Variants in PRKD1 observed in about 807,000 individuals in gnomAD.
PRKD1 encodes the protein protein kinase D1.
Under a neutral mutation model 95.9 loss-of-function variants are expected in PRKD1, and 63 were observed. The observed-to-expected ratio is 0.66, with a 90% CI of 0.54 to 0.81. The LOEUF (loss-of-function observed/expected upper bound fraction) is 0.81. Among genes scored for constraint, PRKD1 ranks in the 30% least tolerant of loss-of-function variants. The pLI is 0.00. For synonymous variants in PRKD1, 425 were observed against 423.1 expected, an observed-to-expected ratio of 1.00 and a Z score of -0.05; for missense variants, 1,048 against 1,165.3, an observed-to-expected ratio of 0.90 and a Z score of 1.47.
intron 1 of PRKD1, among the ~76,000 whole-genome samples, chr14:29,908,589 T>C (rs1312351520): frequency 2.0e-5 from 3 of 152,206 alleles, no homozygotes; most frequent in Non-Finnish European, 2.9e-5. Flanking sequence ...CCAGCCTACA[T>C]TGGTCAATTT....
chr14:29,598,888 T>C, intron 15 of PRKD1, 139 bp downstream of exon 15: 1 of 764,498 alleles, frequency 1.3e-6, no homozygotes, highest in Non-Finnish European at 2.1e-6. Flanking sequence ...AGTCCCAAAG[T>C]AACAAATGAA....
At chr14:29,635,345 T>G (rs1199348255) in intron 7 of PRKD1, among the ~76,000 whole-genome samples, 1 of 152,076 alleles carries the variant, frequency 6.6e-6, no homozygotes, top group African/African-American at 2.4e-5. Context: ...TCCCACAACA[T>G]GAATATATAT....
At chr14:29,614,414 A>C (rs546508536) in intron 13 of PRKD1, among the ~76,000 whole-genome samples, 4 of 152,280 alleles carry the variant, frequency 2.6e-5, no homozygotes, top group Non-Finnish European at 5.9e-5. Context: ...CTACATTTTA[A>C]AAAAAGGAAT....
intron 1 of PRKD1, among the ~76,000 whole-genome samples, chr14:29,895,512 C>G (rs996767179): frequency 2.0e-5 from 3 of 152,112 alleles, no homozygotes; most frequent in Non-Finnish European, 2.9e-5. Context: ...TGATCCTTTA[C>G]AAACCTGAAT....
chr14:29,720,792 T>TAA (rs1409355666), intron 2 of PRKD1, among the ~76,000 whole-genome samples: 6 of 147,914 alleles, frequency 4.1e-5, no homozygotes, highest in African/African-American at 1.0e-4. Context: ...AAAAAATAAA[T>TAA]AAATAAATAA....
At chr14:29,599,634 C>T (rs1294764913) in intron 14 of PRKD1, 22 bp downstream of exon 14, 2 of 1,588,004 alleles carry the variant, frequency 1.3e-6, no homozygotes, top group Admixed American at 1.8e-5. Context: ...TGTATTTTTT[C>T]CGTCTCTAAT....
At chr14:29,866,307 G>T (rs1051203549) in intron 1 of PRKD1, among the ~76,000 whole-genome samples, 1 of 152,086 alleles carries the variant, frequency 6.6e-6, no homozygotes, top group African/African-American at 2.4e-5. Flanking sequence ...ATACAAAGCA[G>T]TCAAATGGTT....
At chr14:29,661,056 T>A (rs960191433) in intron 4 of PRKD1, among the ~76,000 whole-genome samples, 5 of 152,232 alleles carry the variant, frequency 3.3e-5, no homozygotes, top group Admixed American at 6.5e-5. Flanking sequence ...TGTCATGTGA[T>A]CTATGCTATT....
intron 1 of PRKD1, among the ~76,000 whole-genome samples, chr14:29,920,002 TAGGAAGGAAGGAGGGA>T (rs1895034182): frequency 2.2e-5 from 2 of 92,116 alleles, no homozygotes; most frequent in African/African-American, 9.5e-5. Context: ...GGAAGGAAGG[TAGGAAGGAAGGAGGGA>T]AGGAAGGAAG....
At chr14:29,681,101 T>C (rs1883516492) in intron 2 of PRKD1, among the ~76,000 whole-genome samples, 1 of 152,234 alleles carries the variant, frequency 6.6e-6, no homozygotes, top group African/African-American at 2.4e-5. Context: ...AGAAATGGTC[T>C]AGGAACTTCT....
At chr14:29,786,166 C>T (rs896365403) in intron 1 of PRKD1, among the ~76,000 whole-genome samples, 1 of 152,126 alleles carries the variant, frequency 6.6e-6, no homozygotes, top group Admixed American at 6.5e-5. Flanking sequence ...GTATGTTGAA[C>T]CATCCTGGCA....
At chr14:29,779,640 A>T (rs1365987870) in intron 1 of PRKD1, among the ~76,000 whole-genome samples, 1 of 152,196 alleles carries the variant, frequency 6.6e-6, no homozygotes, top group East Asian at 1.9e-4. Context: ...ATAAAAGAGG[A>T]CACAAACAAA....
At chr14:29,637,817 T>C (rs1437411538) in intron 6 of PRKD1, among the ~76,000 whole-genome samples, 2 of 152,230 alleles carry the variant, frequency 1.3e-5, no homozygotes, top group Admixed American at 6.5e-5. Context: ...AAAGTATCTG[T>C]GATCTTTTAC....
intron 11 of PRKD1, among the ~76,000 whole-genome samples, chr14:29,628,826 A>G (rs962786000): frequency 2.0e-5 from 3 of 152,280 alleles, no homozygotes; most frequent in Admixed American, 2.0e-4. Context: ...GCTGAGAAAA[A>G]CAGATATTTG....
intron 16 of PRKD1, among the ~76,000 whole-genome samples, chr14:29,591,827 T>G (rs183707231): frequency 6.6e-6 from 1 of 152,128 alleles, no homozygotes; most frequent in Non-Finnish European, 1.5e-5. Flanking sequence ...TTTAGCACTG[T>G]CTGGGATTCA....
At chr14:29,635,675 G>C (rs553291867) in intron 7 of PRKD1, among the ~76,000 whole-genome samples, 20 of 152,268 alleles carry the variant, frequency 1.3e-4, no homozygotes, top group African/African-American at 4.8e-4. Context: ...TACCAATATA[G>C]TGCAAAAGCA....
chr14:29,847,445 C>T (rs1242787309), intron 1 of PRKD1, among the ~76,000 whole-genome samples: 1 of 152,140 alleles, frequency 6.6e-6, no homozygotes, highest in Non-Finnish European at 1.5e-5. Flanking sequence ...TCTAAATTTA[C>T]TTCCCTGGAC....
chr14:29,583,252 T>G (rs1021892903), intron 16 of PRKD1, among the ~76,000 whole-genome samples: 1 of 152,124 alleles, frequency 6.6e-6, no homozygotes, highest in Non-Finnish European at 1.5e-5. Flanking sequence ...CATAGTGCGG[T>G]CTTTCAGTGG....
chr14:29,584,114 G>A (rs563770415), intron 16 of PRKD1, among the ~76,000 whole-genome samples: 1 of 152,312 alleles, frequency 6.6e-6, no homozygotes, highest in African/African-American at 2.4e-5. Context: ...TGCGGGTGCA[G>A]AGGGCTTTAT....
Sources: allele counts gnomAD v4.1 joint callset (sites outside exome capture counted in the v4.1 genomes callset), GRCh38; gene constraint gnomAD v4.1.1; transcripts MANE v1.5; gene names NCBI Gene and HGNC (gene_info 2026-07-23, HGNC 2026-07-21).